CUBN: variants seen among roughly 807,000 people sequenced by gnomAD.
CUBN encodes cubilin.
Under a neutral mutation model 405.3 loss-of-function variants are expected in CUBN, and 282 were observed. That is an observed-to-expected ratio of 0.70 (90% CI 0.63 to 0.77). CUBN has a LOEUF of 0.77. CUBN is among the 30% of genes least tolerant of loss of function. CUBN has a pLI of 0.00. For missense variants in CUBN, 4,514 were observed against 4,475.2 expected (o/e 1.01, Z -0.25); for synonymous variants, 1,684 against 1,617.0 (o/e 1.04, Z -0.99).
intron 13 of CUBN, among the ~76,000 whole-genome samples, chr10:17,102,187 A>G (rs545250262): frequency 3.3e-5 from 5 of 152,298 alleles, no homozygotes; most frequent in Non-Finnish European, 7.4e-5. Flanking sequence ...CAAGCTAAGA[A>G]GTGTTAACAA....
chr10:17,127,791 G>C, intron 3 of CUBN, 38 bp downstream of exon 3: 1 of 1,448,432 alleles, frequency 6.9e-7, no homozygotes, highest in Non-Finnish European at 9.7e-7. Flanking sequence ...GAACTAGGGA[G>C]AACTCATCGG....
chr10:16,834,118 C>G (rs896433590), intron 64 of CUBN, among the ~76,000 whole-genome samples: 3 of 152,136 alleles, frequency 2.0e-5, no homozygotes, highest in East Asian at 1.9e-4. Context: ...GCTTGCAAAG[C>G]TCAAACCCCG....
chr10:17,071,233 G>A (rs1835732217), intron 19 of CUBN, among the ~76,000 whole-genome samples, 193 bp downstream of exon 19: 1 of 152,032 alleles, frequency 6.6e-6, no homozygotes, highest in African/African-American at 2.4e-5. Flanking sequence ...ACTTAATCAT[G>A]GTATATAAAT....
intron 28 of CUBN, among the ~76,000 whole-genome samples, chr10:17,004,702 C>T (rs978692225): frequency 6.8e-6 from 1 of 146,184 alleles, no homozygotes; most frequent in African/African-American, 2.5e-5. Flanking sequence ...CAGAATCTCA[C>T]TCTATTGCCC....
chr10:17,105,431 G>A lies in CUBN; in HGVS notation c.1230+26C>T, dbSNP rs779762728. Reference sequence around the variant, plus strand: ...TGAAACTAATTCTCAGGTACTCTCTGTCCACAGGAAAAACAAAGGACTCAC... The same window carrying A: ...TGAAACTAATTCTCAGGTACTCTCTATCCACAGGAAAAACAAAGGACTCAC... On this transcript the variant is annotated intron_variant, in intron 11 of 66. Coordinates refer to ENST00000377833, the MANE Select transcript of CUBN (RefSeq NM_001081.4). 4.7e-6 allele frequency: 6 copies of A among 1,275,046 alleles called. No individual in the cohort carries two copies. The South Asian group carries it at 7.1e-5, about 15-fold the overall frequency. The allele number at this position is 1,275,046 out of a possible 1,614,324, so 79.0% of individuals were successfully genotyped here.
intron 27 of CUBN, among the ~76,000 whole-genome samples, chr10:17,027,996 A>C (rs1267363877): frequency 6.6e-6 from 1 of 152,108 alleles, no homozygotes. Context: ...ACCCACAAAA[A>C]TTAAAAATTT....
Position 16,840,341 on chromosome 10 carries a change from C to T in CUBN, c.10021G>A (p.Asp3341Asn). 6.2e-7 allele frequency: 1 copy of T among 1,614,038 alleles called. No homozygotes were observed. The highest frequency in any genetic ancestry group is 8.5e-7 in the Non-Finnish European group (1 of 1,179,940). ...CTTATAATTGTTACCTGCGGTGAGT[C>T]CTGAAGCTGTAAGTAATTCTGCGTG... ...DCTQNYLQLQ[D>N]SPQGHGNSRF... The change falls in exon 62 of 67, where the codon GAC becomes AAC. Residue 3341 changes from aspartate (D) to asparagine (N), a missense_variant. By Grantham distance (23) the Asp-to-Asn change is conservative. Around this residue, in one of 5 missense-constraint regions of CUBN, gnomAD observed 1,186 missense variants for 1,186.9 expected, o/e 1.00. Coordinates refer to ENST00000377833, the MANE Select transcript of CUBN (RefSeq NM_001081.4).
intron 15 of CUBN, 97 bp downstream of exon 15, chr10:17,088,067 A>G (rs1002950787): frequency 1.2e-6 from 1 of 861,460 alleles, no homozygotes; most frequent in South Asian, 1.4e-5. Context: ...ACCTAACTAC[A>G]GCTAATATTT....
At chr10:16,898,256 A>G (rs1432355918) in intron 54 of CUBN, among the ~76,000 whole-genome samples, 1 of 152,112 alleles carries the variant, frequency 6.6e-6, no homozygotes, top group African/African-American at 2.4e-5. Context: ...ATTACATCGT[A>G]TTATCTCCAA....
At position 16,948,618 on chromosome 10, in the gene CUBN, A is replaced by G. The variant is rs776487428; in HGVS notation, c.5081-12T>C. ...GCCACAGTAACGGCCTAAATAATGA[A>G]GATAATGACAAGGAGAATGAATGAC... On this transcript the variant is annotated splice_polypyrimidine_tract_variant and intron_variant, in intron 34 of 66. Transcript: ENST00000377833. 6 of 1,613,304 alleles carry G rather than the reference A, an allele frequency of 3.7e-6. No individual in the cohort carries two copies. In the East Asian group the frequency reaches 1.3e-4, roughly 36 times the overall value.
At chr10:16,996,580 A>C (rs1348901750) in intron 28 of CUBN, among the ~76,000 whole-genome samples, 1 of 152,064 alleles carries the variant, frequency 6.6e-6, no homozygotes, top group Non-Finnish European at 1.5e-5. Context: ...ATTTAATAAT[A>C]ATCTCCTATG....
intron 28 of CUBN, among the ~76,000 whole-genome samples, chr10:16,993,186 T>G (rs1416109153): frequency 6.6e-6 from 1 of 152,192 alleles, no homozygotes; most frequent in Non-Finnish European, 1.5e-5. Flanking sequence ...TAGTATCAAA[T>G]AAATTATCCA....
At position 17,065,597 on chromosome 10, in the gene CUBN, C is replaced by T; in HGVS notation, c.3050G>A (p.Gly1017Asp). The T allele has an allele frequency of 6.2e-7, 1 of 1,613,644 alleles. No individual in the cohort carries two copies. Among genetic ancestry groups the T allele is most frequent in the Non-Finnish European group, 8.5e-7 (1 of 1,179,640 alleles). The change falls in exon 22 of 67, where the codon GGT becomes GAT. Residue 1017 changes from glycine to aspartate, a missense_variant. By Grantham distance (94) the Gly-to-Asp change is moderately conservative. Around this residue, in one of 5 missense-constraint regions of CUBN, gnomAD observed 1,448 missense variants for 1,388.0 expected, o/e 1.04. Transcript: ENST00000377833. ...CACAAACACCAGCATCAATGAGTTA[C>T]CACTGCTTGTGAGAGATGGCGGGAT... ...KSIPPSLTSS[G>D]NSLMLVFVTD...
intron 43 of CUBN, 82 bp from the exon 44 acceptor site, chr10:16,920,219 A>C (rs777383942): frequency 7.3e-7 from 1 of 1,372,546 alleles, no homozygotes; most frequent in Non-Finnish European, 1.0e-6. Context: ...TTTAAAGTCG[A>C]CTTCTCTGTA....
intron 47 of CUBN, 99 bp downstream of exon 47, chr10:16,914,933 G>T: frequency 9.2e-7 from 1 of 1,081,270 alleles, no homozygotes; most frequent in Non-Finnish European, 1.4e-6. Flanking sequence ...TAGGGGTCAT[G>T]TTTTGTTTTG....
chr10:17,052,049 C>CG (rs113043763), intron 22 of CUBN, among the ~76,000 whole-genome samples: 17,764 of 151,564 alleles, frequency 0.12, 2,004 homozygotes, highest in African/African-American at 0.29. Flanking sequence ...CCAGTTGGGG[C>CG]GGGGGGGAAG....
At chr10:16,892,340 GA>G (rs1053284597) in intron 54 of CUBN, among the ~76,000 whole-genome samples, 1 of 151,246 alleles carries the variant, frequency 6.6e-6, no homozygotes, top group Non-Finnish European at 1.5e-5. Context: ...AAAATGTCAG[GA>G]AAAAAAATGC....
chr10:17,027,226 T>C (rs1002243207), intron 27 of CUBN, among the ~76,000 whole-genome samples: 10 of 152,234 alleles, frequency 6.6e-5, no homozygotes, highest in Admixed American at 6.5e-5. Flanking sequence ...AAGATACTTA[T>C]CTCAGAACTG....
chr10:17,103,244 A>G lies in CUBN; in HGVS notation c.1418-7T>C. On this transcript the variant is annotated splice_polypyrimidine_tract_variant and splice_region_variant and intron_variant, in intron 12 of 66. Transcript: ENST00000377833. ...GAGAGGGACTCTCCACAAACTGCAA[A>G]GGAAAAGATGAACTGTGCTTTTCAG... 6.4e-7 allele frequency: 1 copy of G among 1,553,560 alleles called. No homozygotes were observed. The highest frequency in any genetic ancestry group is 2.2e-5 in the East Asian group (1 of 44,536).
Sources: allele counts gnomAD v4.1 joint callset (sites outside exome capture counted in the v4.1 genomes callset), GRCh38; gene constraint gnomAD v4.1.1; regional missense constraint gnomAD v4.1.1; transcripts MANE v1.5; gene names NCBI Gene and HGNC (gene_info 2026-07-23, HGNC 2026-07-21).